Variants in KITLG observed in about 807,000 individuals in gnomAD.
KITLG encodes the protein c-Kit ligand.
Under a neutral mutation model 34.1 loss-of-function variants are expected in KITLG, and 13 were observed. The ratio of observed to expected loss-of-function variants is 0.38; its 90% CI spans 0.25 to 0.61. KITLG has a LOEUF of 0.61. Ranked by LOEUF, KITLG falls within the 20% of genes least tolerant of loss-of-function variation. The pLI, the probability that KITLG is intolerant of heterozygous loss-of-function variation, is 0.60. For synonymous variants in KITLG, 110 were observed against 104.0 expected (o/e 1.06, Z -0.35); for missense variants, 292 against 318.9 (o/e 0.92, Z 0.64).
At chr12:88,555,697 T>C (rs908742611) in intron 1 of KITLG, among the ~76,000 whole-genome samples, 1 of 152,138 alleles carries the variant, frequency 6.6e-6, no homozygotes, top group Non-Finnish European at 1.5e-5. Context: ...AAAATTTACA[T>C]AGCTAGAGGG....
In KITLG at chr12:88,516,554, T is replaced by C. The variant is rs926655118; in HGVS notation, c.364-64A>G. The C allele has an allele frequency of 3.8e-6, 4 of 1,059,346 alleles. No individual in the cohort carries two copies. In the African/African-American group the frequency reaches 6.4e-5, roughly 17 times the overall value. 65.6% of individuals were successfully genotyped at this position (1,059,346 alleles called of 1,614,324 possible). A position where few individuals can be genotyped will look rare whatever the true frequency, so the allele number is the denominator to read the frequency against. On this transcript the variant is annotated intron_variant, in intron 4 of 9. Transcript: ENST00000644744. ...TCAGACTTAACTGAGGTGAAGATAA[T>C]GGACTATAAATATGTCTCTCAAAGA...
intron 9 of KITLG, among the ~76,000 whole-genome samples, chr12:88,499,214 G>A (rs1868759890): frequency 6.6e-6 from 1 of 152,180 alleles, no homozygotes; most frequent in East Asian, 1.9e-4. Flanking sequence ...CTAATCATCT[G>A]CTTTACAATG....
rs1869620533 is a variant in KITLG, at chr12:88,520,561, AT to A, written c.193-1695del. 1.3e-5 allele frequency among the ~76,000 whole-genome samples: 2 copies of A among 152,208 alleles called. 1 individual carries two copies. Among genetic ancestry groups the A allele is most frequent in the South Asian group, 4.1e-4 (2 of 4,838 alleles). On this transcript the variant is annotated intron_variant, in intron 3 of 9. Coordinates refer to ENST00000644744, the MANE Select transcript of KITLG (RefSeq NM_000899.5). ...GACTCTATTTCCTCACTTTATGAGT[AT>A]GCTTGCCTAGGATCTCTGGCAAGTA...
chr12:88,532,051 A>C (rs987645572), intron 3 of KITLG, among the ~76,000 whole-genome samples: 7 of 152,068 alleles, frequency 4.6e-5, no homozygotes, highest in Non-Finnish European at 7.4e-5. Flanking sequence ...AAAATTTAAA[A>C]ATAAAGTATA....
In KITLG at chr12:88,548,454, CA is replaced by C. The variant is rs67719813; in HGVS notation, c.16-2590del. Among the ~76,000 whole-genome samples, 96 of 146,470 alleles carry C rather than the reference CA, an allele frequency of 6.6e-4. 1 individual carries two copies. The highest frequency in any genetic ancestry group is 2.4e-3 in the Admixed American group (35 of 14,868). The stretch of plus-strand genomic sequence containing the variant: ...GGCGACAAAAGCTAGACTACATCAC[CA>C]AAAAAAAAAAAAGTTAGATAACAAA... On this transcript the variant is annotated intron_variant, in intron 1 of 9. Transcript: ENST00000644744.
chr12:88,564,201 A>T (rs1309125146), intron 1 of KITLG: 1 of 152,216 alleles, frequency 6.6e-6, no homozygotes, highest in East Asian at 1.9e-4. Flanking sequence ...GAATATAGGA[A>T]ATGTACCTTA....
Position 88,495,025 on chromosome 12 carries a change from T to A in KITLG, c.*2194A>T, listed in dbSNP as rs1338798321. 1.3e-5 allele frequency: 2 copies of A among 152,052 alleles called. No individual in the cohort carries two copies. The highest frequency in any genetic ancestry group is 2.9e-5 in the Non-Finnish European group (2 of 67,950). The allele number at this position is 152,052 out of a possible 1,614,324, so 9.4% of individuals were successfully genotyped here. A position where few individuals can be genotyped will look rare whatever the true frequency, so the allele number is the denominator to read the frequency against. ...TAGTGTTTTAAAAATTGGCAATCCA[T>A]GTAACTTTCAATGGACCAACACATT... On this transcript the variant is annotated 3_prime_UTR_variant, in exon 10 of 10. Transcript: ENST00000644744.
intron 1 of KITLG, among the ~76,000 whole-genome samples, chr12:88,578,880 T>A (rs962459337): frequency 7.2e-5 from 11 of 152,258 alleles, no homozygotes. Context: ...ACAATAAAAC[T>A]TTTCTTTTGT....
At chr12:88,524,628 A>C (rs1018951465) in intron 3 of KITLG, among the ~76,000 whole-genome samples, 1 of 152,040 alleles carries the variant, frequency 6.6e-6, no homozygotes, top group Non-Finnish European at 1.5e-5. Flanking sequence ...GACAATTAAG[A>C]TTATGAACGT....
intron 6 of KITLG, 80 bp downstream of exon 6, chr12:88,515,454 G>T: frequency 1.2e-6 from 1 of 850,774 alleles, no homozygotes; most frequent in South Asian, 1.4e-5. Context: ...AAATGTAGAA[G>T]TTTCCTTGAA....
intron 9 of KITLG, among the ~76,000 whole-genome samples, chr12:88,502,266 G>A (rs1209605258): frequency 6.6e-6 from 1 of 152,074 alleles, no homozygotes; most frequent in East Asian, 1.9e-4. Context: ...TTTTATACAT[G>A]AGTAATAATT....
chr12:88,560,550 A>C (rs970294881), intron 1 of KITLG, among the ~76,000 whole-genome samples: 2 of 152,354 alleles, frequency 1.3e-5, no homozygotes, highest in African/African-American at 4.8e-5. Context: ...CCAAGCAGGC[A>C]GGCTCTTTTC....
At chr12:88,564,293 G>A (rs1255073746) in intron 1 of KITLG, 2 of 152,048 alleles carry the variant, frequency 1.3e-5, no homozygotes, top group African/African-American at 4.8e-5. Flanking sequence ...GGGGAGAGTG[G>A]GTAACCATTT....
intron 2 of KITLG, among the ~76,000 whole-genome samples, chr12:88,533,071 C>A (rs1277482437): frequency 1.4e-5 from 2 of 147,204 alleles, no homozygotes; most frequent in African/African-American, 5.4e-5. Flanking sequence ...TTCAAAAAAA[C>A]AATGCTACTT....
At chr12:88,573,694 C>T (rs1277655469) in intron 1 of KITLG, among the ~76,000 whole-genome samples, 2 of 152,226 alleles carry the variant, frequency 1.3e-5, no homozygotes, top group African/African-American at 4.8e-5. Context: ...ACAAACACAA[C>T]GCCCCCCTCC....
intron 9 of KITLG, among the ~76,000 whole-genome samples, chr12:88,499,919 C>A (rs916611098): frequency 3.9e-5 from 6 of 152,328 alleles, no homozygotes; most frequent in African/African-American, 1.4e-4. Context: ...CACTCCCGTA[C>A]ATCTTGCCAT....
intron 8 of KITLG, 36 bp from the exon 9 acceptor site, chr12:88,505,271 T>C (rs1468640898): frequency 6.5e-7 from 1 of 1,527,550 alleles, no homozygotes; most frequent in African/African-American, 1.4e-5. Context: ...TATTTGCTCT[T>C]GGTCAGAGAT....
intron 7 of KITLG, 34 bp downstream of exon 7, chr12:88,506,994 G>C (rs1425819314): frequency 2.8e-6 from 3 of 1,068,222 alleles, no homozygotes; most frequent in South Asian, 2.5e-5. Flanking sequence ...TGTAAACATA[G>C]CATATTTTTA....
At chr12:88,550,942 T>C (rs1870892985) in intron 1 of KITLG, among the ~76,000 whole-genome samples, 1 of 152,206 alleles carries the variant, frequency 6.6e-6, no homozygotes, top group Non-Finnish European at 1.5e-5. Context: ...AATTGAAGAA[T>C]GATTTGATCA....
Sources: allele counts gnomAD v4.1 joint callset (sites outside exome capture counted in the v4.1 genomes callset), GRCh38; gene constraint gnomAD v4.1.1; transcripts MANE v1.5; gene names NCBI Gene and HGNC (gene_info 2026-07-23, HGNC 2026-07-21).